The following ABCC6 variants were observed in gnomAD, a reference collection of about 807,000 sequenced individuals.
ABCC6 encodes the protein ATP binding cassette subfamily C member 6, also known as ATP-binding cassette sub-family C member 6.
A neutral mutation model predicts 169.5 loss-of-function variants in ABCC6; 126 were observed. That is an observed-to-expected ratio of 0.74 (90% CI 0.64 to 0.86). The LOEUF (loss-of-function observed/expected upper bound fraction) is 0.86, where lower values mean the gene tolerates loss of function less well. ABCC6 is among the 40% of genes least tolerant of loss of function. The probability of loss-of-function intolerance (pLI) is 0.00; values close to 1 mark genes in which losing one functional copy is unlikely to be tolerated. For synonymous variants in ABCC6, 752 were observed against 814.7 expected (o/e 0.92, Z 1.31); for missense variants, 1,733 against 1,927.2 (o/e 0.90, Z 1.89).
chr16:16,160,448 G>A (rs2046678218), intron 25 of ABCC6, among the ~76,000 whole-genome samples: 4 of 151,886 alleles, frequency 2.6e-5, no homozygotes, highest in Admixed American at 2.6e-4. Flanking sequence ...GCTGCAGTGA[G>A]CTGTGATCAC....
At chr16:16,204,956 C>T (rs916685497) in intron 7 of ABCC6, among the ~76,000 whole-genome samples, 1 of 151,958 alleles carries the variant, frequency 6.6e-6, no homozygotes, top group Non-Finnish European at 1.5e-5. Flanking sequence ...CTGCCTCAGC[C>T]TCCCAAGTAG....
chr16:16,158,479 C>G (rs1443519253), intron 26 of ABCC6, among the ~76,000 whole-genome samples: 4 of 152,044 alleles, frequency 2.6e-5, no homozygotes, highest in African/African-American at 9.7e-5. Flanking sequence ...CCCTCCATCT[C>G]TCATTCTTCC....
Position 16,177,491 on chromosome 16 carries a change from G to A in ABCC6, c.2551C>T (p.Leu851=), listed in dbSNP as rs1292352751. 5 of 1,614,082 alleles carry A rather than the reference G, an allele frequency of 3.1e-6. 1 individual carries two copies. In the South Asian group the frequency reaches 5.5e-5, roughly 18 times the overall value. Residue 851 remains leucine, a synonymous_variant, in exon 19 of 31, where the codon CTG becomes TTG. Transcript: ENST00000205557. ...TCTCCTGGCTGTCTGGCTTGATCCA[G>A]AAGACACATGAGGGCCCCCTTCCTC... is the stretch of plus-strand genomic sequence containing the variant. ...LQRKGALMCL[L]DQARQPGDRG... is the part of the protein sequence containing the mutation.
chr16:16,169,219 T>C (rs2046978714), intron 22 of ABCC6, among the ~76,000 whole-genome samples: 1 of 152,240 alleles, frequency 6.6e-6, no homozygotes, highest in African/African-American at 2.4e-5. Flanking sequence ...CTGTTCAAGG[T>C]AGCTGGCTGC....
chr16:16,160,221 C>T (rs2046671629), intron 25 of ABCC6, among the ~76,000 whole-genome samples: 1 of 152,182 alleles, frequency 6.6e-6, no homozygotes, highest in Admixed American at 6.5e-5. Flanking sequence ...GGAAAGTTCC[C>T]TCACTGCCAC....
At position 16,181,873 on chromosome 16, in the gene ABCC6, C is replaced by T. The variant is rs2047485929; in HGVS notation, c.2247+539G>A. ...GCTTGAACGTGGGAGGCGGAGGTTG[C>T]AGTGAGCCGAGATTGCATCACTGCA... On this transcript the variant is annotated intron_variant, in intron 17 of 30. Coordinates refer to ENST00000205557, the MANE Select transcript of ABCC6 (RefSeq NM_001171.6). 3 of 162,096 alleles carry T rather than the reference C, an allele frequency of 1.9e-5. No individual in the cohort carries two copies. In the South Asian group the frequency reaches 5.2e-4, roughly 28 times the overall value. The allele number at this position is 162,096 out of a possible 1,614,324, so 10.0% of individuals were successfully genotyped here. A position where few individuals can be genotyped will look rare whatever the true frequency, so the allele number is the denominator to read the frequency against.
chr16:16,187,484 G>C (rs2047686833), intron 13 of ABCC6, among the ~76,000 whole-genome samples: 1 of 152,178 alleles, frequency 6.6e-6, no homozygotes, highest in Admixed American at 6.5e-5. Flanking sequence ...AGAGGATGGT[G>C]GCTTTTCCAA....
At chr16:16,152,230 C>G (rs1444519913) in intron 29 of ABCC6, among the ~76,000 whole-genome samples, 5 of 125,320 alleles carry the variant, frequency 4.0e-5, no homozygotes, top group African/African-American at 5.9e-5. Flanking sequence ...GTAGGCTTGT[C>G]ACAGAATAAG....
At chr16:16,185,127 AG>A in intron 14 of ABCC6, 93 bp from the exon 15 acceptor site, 1 of 1,074,326 alleles carries the variant, frequency 9.3e-7, no homozygotes, top group South Asian at 1.2e-5. Context: ...CGCCCCCCCC[AG>A]GGGCAGAGGC....
chr16:16,200,878 G>A (rs1268587794), intron 9 of ABCC6, among the ~76,000 whole-genome samples: 1 of 151,688 alleles, frequency 6.6e-6, no homozygotes, highest in Admixed American at 6.6e-5. Context: ...CCACTGCACA[G>A]AGAGAAGTCT....
Position 16,169,659 on chromosome 16 carries a change from G to A in ABCC6, c.2982C>T (p.Leu994=), listed in dbSNP as rs113270297. ...AALRGGIFGL[L]GCLQAIGLFA... ...GGTGAGGCGTACCTTGGAGACAGCC[G>A]AGGAGCCCGAAGATCCCGCCACGCA... Residue 994 remains leucine, a synonymous_variant, in exon 22 of 31, where the codon CTC becomes CTT. Coordinates refer to ENST00000205557, the MANE Select transcript of ABCC6 (RefSeq NM_001171.6). 3.7e-5 allele frequency: 60 copies of A among 1,610,816 alleles called. No homozygotes were observed. In the East Asian group the frequency reaches 6.7e-4, roughly 18 times the overall value.
At chr16:16,189,169 C>T (rs966443746) in intron 12 of ABCC6, among the ~76,000 whole-genome samples, 195 bp from the exon 13 acceptor site, 6 of 152,210 alleles carry the variant, frequency 3.9e-5, no homozygotes, top group African/African-American at 1.4e-4. Context: ...AAGGCTCTCT[C>T]TAAAGACACA....
At chr16:16,169,926 C>T (rs1298779868) in intron 21 of ABCC6, 73 bp from the exon 22 acceptor site, 127 of 1,470,470 alleles carry the variant, frequency 8.6e-5, no homozygotes, top group South Asian at 5.6e-4. Flanking sequence ...CAAGGCCAGG[C>T]GAGGCTCCCA....
intron 23 of ABCC6, among the ~76,000 whole-genome samples, 175 bp from the exon 24 acceptor site, chr16:16,163,367 A>G (rs1017436203): frequency 3.9e-5 from 6 of 152,174 alleles, no homozygotes; most frequent in Admixed American, 6.5e-5. Flanking sequence ...TTGCAGAATC[A>G]GAGTTCTATG....
intron 15 of ABCC6, 114 bp downstream of exon 15, chr16:16,184,845 C>A: frequency 8.4e-7 from 1 of 1,189,428 alleles, no homozygotes; most frequent in Non-Finnish European, 1.3e-6. Flanking sequence ...GCCAAACCCA[C>A]CCTCCAGTCC....
At chr16:16,172,597 A>G (rs572462701) in intron 21 of ABCC6, among the ~76,000 whole-genome samples, 1 of 152,140 alleles carries the variant, frequency 6.6e-6, no homozygotes, top group Admixed American at 6.5e-5. Context: ...TAGGTGGATG[A>G]TGGAATGGGT....
chr16:16,211,880 A>C (rs72664293), intron 6 of ABCC6, among the ~76,000 whole-genome samples: 5,264 of 151,556 alleles, frequency 0.035, 106 homozygotes, highest in African/African-American at 0.045. Flanking sequence ...AGCACTAAGC[A>C]CTTTCCGTCT....
chr16:16,195,085 C>A (rs1483738214), intron 10 of ABCC6, among the ~76,000 whole-genome samples: 1 of 152,094 alleles, frequency 6.6e-6, no homozygotes, highest in Admixed American at 6.6e-5. Flanking sequence ...CACCAGCCCA[C>A]AGCAGGGCTT....
intron 1 of ABCC6, 106 bp downstream of exon 1, chr16:16,223,286 TTCCCGGG>T: frequency 1.5e-6 from 1 of 683,280 alleles, no homozygotes; most frequent in Non-Finnish European, 2.4e-6. Flanking sequence ...GTCTCCTCGC[TTCCCGGG>T]TCCAGGAATT....
Sources: gnomAD v4.1 joint callset for allele counts (sites outside exome capture counted in the v4.1 genomes callset) on GRCh38, gnomAD v4.1.1 for gene constraint, MANE v1.5 for transcripts, NCBI Gene and HGNC (gene_info 2026-07-23, HGNC 2026-07-21) for gene names.